The following PHYHIPL variants were observed in gnomAD, a reference collection of about 807,000 sequenced individuals.
PHYHIPL encodes the protein phytanoyl-CoA 2-hydroxylase interacting protein like.
PHYHIPL carries 9 observed loss-of-function variants against 33.4 expected under a neutral mutation model. The observed-to-expected ratio is 0.27, with a 90% CI of 0.16 to 0.47. PHYHIPL has a LOEUF of 0.47. Ranked by LOEUF, PHYHIPL falls within the 20% of genes least tolerant of loss-of-function variation. The pLI is 0.99. For synonymous variants in PHYHIPL, 153 were observed against 154.1 expected, an observed-to-expected ratio of 0.99 and a Z score of 0.05; for missense variants, 365 against 460.7, an observed-to-expected ratio of 0.79 and a Z score of 1.90.
At chr10:59,237,161 C>T (rs1459590351) in intron 3 of PHYHIPL, among the ~76,000 whole-genome samples, 1 of 151,760 alleles carries the variant, frequency 6.6e-6, no homozygotes, top group African/African-American at 2.4e-5. Flanking sequence ...AGAAAATCTG[C>T]ATCTAAACTA....
At chr10:59,228,432 T>C (rs747016991) in intron 1 of PHYHIPL, among the ~76,000 whole-genome samples, 1 of 152,190 alleles carries the variant, frequency 6.6e-6, no homozygotes, top group African/African-American at 2.4e-5. Flanking sequence ...TTTGGTGTTT[T>C]GTTGTGGTTA....
chr10:59,233,768 C>T (rs895976171), intron 1 of PHYHIPL, among the ~76,000 whole-genome samples: 2 of 151,802 alleles, frequency 1.3e-5, no homozygotes, highest in Admixed American at 1.3e-4. Flanking sequence ...CAAGGTTCCA[C>T]AGATAAAACA....
chr10:59,217,600 A>T (rs1839654037), intron 1 of PHYHIPL, among the ~76,000 whole-genome samples: 1 of 151,722 alleles, frequency 6.6e-6, no homozygotes, highest in African/African-American at 2.4e-5. Flanking sequence ...GCATTTTTAT[A>T]TTTTTGCATA....
intron 1 of PHYHIPL, among the ~76,000 whole-genome samples, chr10:59,198,282 T>G (rs899708537): frequency 1.3e-5 from 2 of 150,202 alleles, no homozygotes; most frequent in African/African-American, 4.9e-5. Flanking sequence ...AATTCCCACC[T>G]ATGAGTGAGA....
intron 1 of PHYHIPL, among the ~76,000 whole-genome samples, chr10:59,203,555 G>T (rs1839190352): frequency 6.6e-6 from 1 of 151,922 alleles, no homozygotes; most frequent in African/African-American, 2.4e-5. Flanking sequence ...AAGAAAATGT[G>T]GCACATATAC....
chr10:59,238,248 A>T (rs1564459505), intron 3 of PHYHIPL, among the ~76,000 whole-genome samples: 1 of 151,978 alleles, frequency 6.6e-6, no homozygotes, highest in Non-Finnish European at 1.5e-5. Context: ...TATTCAGTTT[A>T]TCAACTGGTT....
intron 1 of PHYHIPL, among the ~76,000 whole-genome samples, chr10:59,209,017 A>G (rs1244418500): frequency 1.3e-5 from 2 of 152,172 alleles, no homozygotes; most frequent in Non-Finnish European, 1.5e-5. Context: ...GATATTATCC[A>G]TGGAGAACTT....
chr10:59,200,672 G>C (rs919282579), intron 1 of PHYHIPL, among the ~76,000 whole-genome samples: 1 of 152,124 alleles, frequency 6.6e-6, no homozygotes, highest in African/African-American at 2.4e-5. Flanking sequence ...ATTCGGCTGT[G>C]AATCCATCTG....
chr10:59,223,405 G>C (rs1302664691), intron 1 of PHYHIPL, among the ~76,000 whole-genome samples: 1 of 151,930 alleles, frequency 6.6e-6, no homozygotes, highest in African/African-American at 2.4e-5. Flanking sequence ...TCTTGTGCAG[G>C]GTAGCATAAT....
At chr10:59,215,683 G>A (rs1306135382) in intron 1 of PHYHIPL, among the ~76,000 whole-genome samples, 2 of 151,946 alleles carry the variant, frequency 1.3e-5, no homozygotes, top group African/African-American at 4.8e-5. Context: ...TATGGAGAAT[G>A]TCAGTAGTAA....
intron 1 of PHYHIPL, among the ~76,000 whole-genome samples, chr10:59,182,743 C>T (rs1838444783): frequency 6.6e-6 from 1 of 151,924 alleles, no homozygotes. Flanking sequence ...AGGTAGAAAG[C>T]TTCAGCATAT....
At chr10:59,215,350 A>G (rs1197769680) in intron 1 of PHYHIPL, among the ~76,000 whole-genome samples, 1 of 152,082 alleles carries the variant, frequency 6.6e-6, no homozygotes, top group Non-Finnish European at 1.5e-5. Context: ...ACATTTGGAT[A>G]ATTCATTATG....
At chr10:59,202,652 T>C (rs1336541188) in intron 1 of PHYHIPL, among the ~76,000 whole-genome samples, 2 of 152,212 alleles carry the variant, frequency 1.3e-5, no homozygotes, top group Non-Finnish European at 2.9e-5. Flanking sequence ...GGAAACAGAA[T>C]GTTAGGCCTA....
At chr10:59,228,166 G>A (rs1026947418) in intron 1 of PHYHIPL, among the ~76,000 whole-genome samples, 8 of 151,968 alleles carry the variant, frequency 5.3e-5, no homozygotes, top group African/African-American at 1.7e-4. Context: ...GTTGATTAAA[G>A]TCTTATTGCA....
At chr10:59,244,331 C>T (rs1840546427) in intron 4 of PHYHIPL, among the ~76,000 whole-genome samples, 2 of 151,928 alleles carry the variant, frequency 1.3e-5, no homozygotes, top group Admixed American at 1.3e-4. Flanking sequence ...CTTTGGGAGG[C>T]CGAGGTGGGC....
At chr10:59,184,089 A>C (rs1209108159) in intron 1 of PHYHIPL, among the ~76,000 whole-genome samples, 2 of 152,196 alleles carry the variant, frequency 1.3e-5, no homozygotes, top group African/African-American at 4.8e-5. Flanking sequence ...TCTACTGTGC[A>C]ATAGGTCCAA....
chr10:59,176,762 C>T lies in PHYHIPL; in HGVS notation c.-92C>T. 1 of 1,172,052 alleles carries T rather than the reference C, an allele frequency of 8.5e-7. No individual in the cohort carries two copies. The allele number at this position is 1,172,052 out of a possible 1,614,324, so 72.6% of individuals were successfully genotyped here. On this transcript the variant is annotated 5_prime_UTR_variant, in exon 1 of 5. Transcript: ENST00000373880. ...CCCAGGCCTCCTTCCCTCCCTCTGC[C>T]ACTCCCCCTCCCTTTCCCGCTCTTC... is the stretch of plus-strand genomic sequence containing the variant.
At chr10:59,190,274 G>A (rs914744401) in intron 1 of PHYHIPL, among the ~76,000 whole-genome samples, 1 of 151,794 alleles carries the variant, frequency 6.6e-6, no homozygotes, top group African/African-American at 2.4e-5. Context: ...ATAAGTGGTG[G>A]CAAATTGTAA....
rs71006239 is a variant in PHYHIPL, at chr10:59,244,562, CAAAAAA to C, written c.597-476_597-471del. ...CTGGCAACAGAGTGAGACTCTGTCT[CAAAAAA>C]AAAAAAAAAAAAAAAAAAGCCAAAA... On this transcript the variant is annotated intron_variant, in intron 4 of 4. Transcript: ENST00000373880. 2.8e-3 allele frequency among the ~76,000 whole-genome samples: 110 copies of C among 39,558 alleles called. 2 individuals are homozygous for C. Among genetic ancestry groups the C allele is most frequent in the Non-Finnish European group, 3.8e-3 (80 of 21,002 alleles). The allele number at this position is 39,558 out of a possible 152,430, so 26.0% of individuals were successfully genotyped here.
Sources: gnomAD v4.1 joint callset for allele counts (sites outside exome capture counted in the v4.1 genomes callset) on GRCh38, gnomAD v4.1.1 for gene constraint, MANE v1.5 for transcripts, NCBI Gene and HGNC (gene_info 2026-07-23, HGNC 2026-07-21) for gene names.